The following CRISPLD2 variants were observed in gnomAD, a reference collection of about 807,000 sequenced individuals.
The protein encoded by CRISPLD2 is cysteine rich secretory protein LCCL domain containing 2, also known as cysteine-rich secretory protein LCCL domain-containing 2.
A neutral mutation model predicts 71.1 loss-of-function variants in CRISPLD2; 47 were observed. That is an observed-to-expected ratio of 0.66 (90% CI 0.52 to 0.84). CRISPLD2 has a LOEUF of 0.84. Among genes scored for constraint, CRISPLD2 ranks in the 40% least tolerant of loss-of-function variants. The pLI is 0.00. For missense variants in CRISPLD2, 830 were observed against 651.1 expected, an observed-to-expected ratio of 1.27 and a Z score of -2.99; for synonymous variants, 317 against 250.1, an observed-to-expected ratio of 1.27 and a Z score of -2.52.
chr16:84,893,590 C>G (rs2071681256), intron 14 of CRISPLD2, among the ~76,000 whole-genome samples: 1 of 152,216 alleles, frequency 6.6e-6, no homozygotes, highest in South Asian at 2.1e-4. Flanking sequence ...TGAGAGGACA[C>G]AGTGCAGAAA....
At chr16:84,869,836 C>G (rs117880591) in intron 8 of CRISPLD2, among the ~76,000 whole-genome samples, 4 of 152,200 alleles carry the variant, frequency 2.6e-5, no homozygotes, top group Non-Finnish European at 1.5e-5. Flanking sequence ...AAGCACATTG[C>G]GATAGCATCA....
rs1310699444 is a variant in CRISPLD2 at position 84,885,371 on chromosome 16, G to C, written c.1306-3859G>C. Among the ~76,000 whole-genome samples the C allele has an allele frequency of 2.0e-5, 3 of 152,236 alleles. No homozygotes were observed. In the East Asian group the frequency reaches 5.8e-4, roughly 29 times the overall value. ...TTATTGCTCCTTAGTCTTTAGCAGG[G>C]CACAAAGCTCTTTGAGAATTGAGAA... is the stretch of plus-strand genomic sequence containing the variant. On this transcript the variant is annotated intron_variant, in intron 13 of 14. Coordinates refer to ENST00000262424, the MANE Select transcript of CRISPLD2 (RefSeq NM_031476.4).
intron 1 of CRISPLD2, among the ~76,000 whole-genome samples, chr16:84,837,678 A>G (rs934024514): frequency 3.3e-5 from 5 of 152,072 alleles, no homozygotes; most frequent in South Asian, 2.1e-4. Flanking sequence ...CGGCCTCCCA[A>G]AGTGCTGGGA....
chr16:84,864,445 G>A (rs758051104), intron 6 of CRISPLD2, among the ~76,000 whole-genome samples: 7 of 152,076 alleles, frequency 4.6e-5, no homozygotes, highest in Non-Finnish European at 8.8e-5. Flanking sequence ...AAGAAAACCC[G>A]GCTTATTCTC....
At chr16:84,847,447 C>G (rs947465220) in intron 3 of CRISPLD2, among the ~76,000 whole-genome samples, 3 of 152,134 alleles carry the variant, frequency 2.0e-5, no homozygotes, top group East Asian at 1.9e-4. Context: ...GTCAGGAGTT[C>G]AAGACTATCC....
intron 1 of CRISPLD2, among the ~76,000 whole-genome samples, chr16:84,831,465 C>T (rs1251238825): frequency 6.6e-6 from 1 of 152,134 alleles, no homozygotes; most frequent in Non-Finnish European, 1.5e-5. Flanking sequence ...AGCAGTAGCA[C>T]GATCTACAGT....
At chr16:84,854,416 C>G (rs1005708002) in intron 5 of CRISPLD2, among the ~76,000 whole-genome samples, 6 of 152,090 alleles carry the variant, frequency 3.9e-5, no homozygotes, top group Non-Finnish European at 8.8e-5. Context: ...ATCTAGGGGC[C>G]CTAACAGTGT....
At chr16:84,831,551 C>T (rs565135495) in intron 1 of CRISPLD2, among the ~76,000 whole-genome samples, 3 of 151,334 alleles carry the variant, frequency 2.0e-5, no homozygotes, top group South Asian at 2.1e-4. Flanking sequence ...CATGTGGCAC[C>T]GTGCTTGGCT....
intron 13 of CRISPLD2, among the ~76,000 whole-genome samples, chr16:84,882,762 C>T (rs572147425): frequency 6.6e-6 from 1 of 152,152 alleles, no homozygotes; most frequent in African/African-American, 2.4e-5. Context: ...TTAAAAACAC[C>T]GTCTCTAGGT....
chr16:84,869,116 G>A (rs956677814), intron 8 of CRISPLD2, among the ~76,000 whole-genome samples: 4 of 152,234 alleles, frequency 2.6e-5, no homozygotes, highest in African/African-American at 9.6e-5. Flanking sequence ...TGGGAATGCT[G>A]CAGGATCTGA....
chr16:84,838,823 C>T (rs1359583634), intron 2 of CRISPLD2, 88 bp downstream of exon 2: 1 of 1,497,700 alleles, frequency 6.7e-7, no homozygotes, highest in Admixed American at 1.9e-5. Flanking sequence ...GCTCTGTTCC[C>T]CAGCCAGTGC....
Position 84,906,646 on chromosome 16 carries a change from T to A in CRISPLD2, c.*4T>A. 6.2e-7 allele frequency: 1 copy of A among 1,614,144 alleles called. No homozygotes were observed. The highest frequency in any genetic ancestry group is 1.1e-5 in the South Asian group (1 of 91,070). On this transcript the variant is annotated 3_prime_UTR_variant, in exon 15 of 15. Transcript: ENST00000262424. ...GATCTTTGCTGTCAGGCAGTGAATT[T>A]CCAGCACCAGGGGAGAAGGGGCGTC...
intron 5 of CRISPLD2, among the ~76,000 whole-genome samples, chr16:84,854,195 A>G (rs913312961): frequency 3.3e-5 from 5 of 152,228 alleles, no homozygotes; most frequent in Non-Finnish European, 7.3e-5. Context: ...ACTGTGCCAC[A>G]GTTTCCTCCT....
chr16:84,887,409 T>A (rs768378661), intron 13 of CRISPLD2, among the ~76,000 whole-genome samples: 1 of 152,312 alleles, frequency 6.6e-6, no homozygotes, highest in Non-Finnish European at 1.5e-5. Context: ...CGGTTGTGAA[T>A]GGAGGCAAGA....
intron 6 of CRISPLD2, among the ~76,000 whole-genome samples, chr16:84,856,085 A>G (rs1288598587): frequency 6.6e-6 from 1 of 152,206 alleles, no homozygotes; most frequent in Non-Finnish European, 1.5e-5. Context: ...CCCATTCTGT[A>G]TTCCCTTTGC....
chr16:84,906,468 C>G, intron 14 of CRISPLD2, 120 bp from the exon 15 acceptor site: 1 of 961,180 alleles, frequency 1.0e-6, no homozygotes, highest in Non-Finnish European at 1.6e-6. Flanking sequence ...TGTCCCTTGG[C>G]CATGGCTCTT....
intron 14 of CRISPLD2, among the ~76,000 whole-genome samples, chr16:84,897,711 G>A (rs2071718530): frequency 6.6e-6 from 1 of 152,134 alleles, no homozygotes; most frequent in African/African-American, 2.4e-5. Flanking sequence ...CTGCCCCGCA[G>A]GTTCAAGTGA....
At chr16:84,889,497 C>G in intron 14 of CRISPLD2, 134 bp downstream of exon 14, 3 of 843,076 alleles carry the variant, frequency 3.6e-6, no homozygotes, top group South Asian at 3.0e-5. Flanking sequence ...CTTACCAGGA[C>G]TCCCAGGTAA....
chr16:84,895,387 C>T (rs1427822275), intron 14 of CRISPLD2, among the ~76,000 whole-genome samples: 1 of 152,214 alleles, frequency 6.6e-6, no homozygotes, highest in Non-Finnish European at 1.5e-5. Context: ...CCAAGATATA[C>T]TTGTTCCTGT....
Sources: allele counts gnomAD v4.1 joint callset (sites outside exome capture counted in the v4.1 genomes callset), GRCh38; gene constraint gnomAD v4.1.1; transcripts MANE v1.5; gene names NCBI Gene and HGNC (gene_info 2026-07-23, HGNC 2026-07-21).